The following LRRTM4 variants were observed in gnomAD, a reference collection of about 807,000 sequenced individuals.
LRRTM4 encodes the protein leucine-rich repeat transmembrane neuronal protein 4.
A neutral mutation model predicts 47.6 loss-of-function variants in LRRTM4; 25 were observed. That is an observed-to-expected ratio of 0.53 (90% CI 0.38 to 0.73). LRRTM4 has a LOEUF of 0.73. Ranked by LOEUF, LRRTM4 falls within the 30% of genes least tolerant of loss-of-function variation. The probability of loss-of-function intolerance (pLI) is 0.00; values close to 1 mark genes in which losing one functional copy is unlikely to be tolerated. For synonymous variants in LRRTM4, 311 were observed against 269.5 expected (o/e 1.15, Z -1.51); for missense variants, 638 against 713.4 (o/e 0.89, Z 1.20).
At chr2:77,254,751 C>A (rs562882050) in intron 3 of LRRTM4, among the ~76,000 whole-genome samples, 42 of 151,534 alleles carry the variant, frequency 2.8e-4, no homozygotes, top group Admixed American at 1.3e-3. Context: ...GTAAGTCATG[C>A]ATAGAGAAAA....
At chr2:77,352,718 A>C (rs973145610) in intron 3 of LRRTM4, among the ~76,000 whole-genome samples, 1 of 152,182 alleles carries the variant, frequency 6.6e-6, no homozygotes, top group Non-Finnish European at 1.5e-5. Context: ...CCTGGCTTGC[A>C]AATTCCAGAG....
At chr2:77,156,378 A>G (rs1480513580) in intron 3 of LRRTM4, among the ~76,000 whole-genome samples, 1 of 151,922 alleles carries the variant, frequency 6.6e-6, no homozygotes, top group Non-Finnish European at 1.5e-5. Flanking sequence ...CTAGAAATAA[A>G]ATGAAATATG....
chr2:77,117,983 A>G (rs1479753049), intron 3 of LRRTM4, among the ~76,000 whole-genome samples: 1 of 152,002 alleles, frequency 6.6e-6, no homozygotes. Context: ...GCAAATTACT[A>G]TCAAAATATA....
intron 3 of LRRTM4, among the ~76,000 whole-genome samples, chr2:77,044,412 A>G (rs950837301): frequency 6.6e-6 from 1 of 151,818 alleles, no homozygotes; most frequent in African/African-American, 2.4e-5. Flanking sequence ...CAAAAATGCT[A>G]ACTTCTATCC....
At chr2:76,851,359 A>G (rs560220191) in intron 3 of LRRTM4, among the ~76,000 whole-genome samples, 1 of 152,298 alleles carries the variant, frequency 6.6e-6, no homozygotes, top group African/African-American at 2.4e-5. Context: ...TTGAATCTGT[A>G]GCTAATGTAC....
chr2:76,785,038 A>G (rs1006046688), intron 3 of LRRTM4, among the ~76,000 whole-genome samples: 1 of 152,102 alleles, frequency 6.6e-6, no homozygotes, highest in Non-Finnish European at 1.5e-5. Flanking sequence ...TCACTCTTAT[A>G]ATATGACTGT....
intron 3 of LRRTM4, among the ~76,000 whole-genome samples, chr2:76,930,755 C>T (rs888462992): frequency 6.6e-6 from 1 of 152,044 alleles, no homozygotes; most frequent in African/African-American, 2.4e-5. Flanking sequence ...TCCTTCCTGA[C>T]CTTAACCTCC....
intron 3 of LRRTM4, among the ~76,000 whole-genome samples, chr2:77,210,684 T>G (rs1268022167): frequency 6.6e-6 from 1 of 152,152 alleles, no homozygotes; most frequent in Non-Finnish European, 1.5e-5. Flanking sequence ...TGTGTGCCAT[T>G]TTTCCCACTG....
intron 3 of LRRTM4, among the ~76,000 whole-genome samples, chr2:77,455,646 T>C (rs912063787): frequency 2.0e-5 from 3 of 152,052 alleles, no homozygotes; most frequent in African/African-American, 7.2e-5. Flanking sequence ...TCTATGCTAC[T>C]GGTCACTCTC....
intron 3 of LRRTM4, among the ~76,000 whole-genome samples, chr2:77,365,944 T>TTA (rs1219778488): frequency 3.4e-5 from 5 of 148,752 alleles, no homozygotes; most frequent in African/African-American, 7.3e-5. Flanking sequence ...TTTTCCTACA[T>TTA]TATATATATA....
intron 3 of LRRTM4, among the ~76,000 whole-genome samples, chr2:77,222,779 G>C (rs955021181): frequency 6.6e-6 from 1 of 151,974 alleles, no homozygotes; most frequent in East Asian, 1.9e-4. Flanking sequence ...ACCAGAGGTA[G>C]AAGGAGGAGC....
At chr2:76,786,772 A>C (rs555542116) in intron 3 of LRRTM4, among the ~76,000 whole-genome samples, 1 of 152,148 alleles carries the variant, frequency 6.6e-6, no homozygotes, top group East Asian at 1.9e-4. Flanking sequence ...AAAATGCATC[A>C]TTTTCTTGGT....
chr2:77,494,209 G>C (rs1678274419), intron 3 of LRRTM4, among the ~76,000 whole-genome samples: 1 of 152,046 alleles, frequency 6.6e-6, no homozygotes, highest in South Asian at 2.1e-4. Context: ...CAGAAGATAT[G>C]CCAAGTTTTT....
At chr2:77,129,271 AACC>A (rs1396013897) in intron 3 of LRRTM4, among the ~76,000 whole-genome samples, 3 of 152,186 alleles carry the variant, frequency 2.0e-5, no homozygotes, top group Non-Finnish European at 4.4e-5. Context: ...GACTATTAGC[AACC>A]CAGAGTGGTA....
intron 3 of LRRTM4, among the ~76,000 whole-genome samples, chr2:76,984,394 A>T (rs1188983521): frequency 6.6e-6 from 1 of 152,042 alleles, no homozygotes; most frequent in Non-Finnish European, 1.5e-5. Context: ...TATGTCAAAG[A>T]GAATGAACAA....
chr2:77,142,150 G>A (rs997139338), intron 3 of LRRTM4, among the ~76,000 whole-genome samples: 1 of 152,136 alleles, frequency 6.6e-6, no homozygotes, highest in Non-Finnish European at 1.5e-5. Context: ...CTGGAAAATG[G>A]TTTCTAAAAG....
chr2:77,209,638 A>G (rs1248743782), intron 3 of LRRTM4, among the ~76,000 whole-genome samples: 1 of 152,168 alleles, frequency 6.6e-6, no homozygotes, highest in East Asian at 1.9e-4. Flanking sequence ...ATACCTGCAT[A>G]TGATTTATTT....
intron 3 of LRRTM4, among the ~76,000 whole-genome samples, chr2:76,909,778 A>C (rs1377474665): frequency 6.6e-6 from 1 of 152,336 alleles, no homozygotes; most frequent in South Asian, 2.1e-4. Context: ...GAGAAATGCA[A>C]ATCAAAACCA....
chr2:77,234,716 G>T (rs913957268), intron 3 of LRRTM4, among the ~76,000 whole-genome samples: 2 of 152,074 alleles, frequency 1.3e-5, no homozygotes, highest in Non-Finnish European at 1.5e-5. Flanking sequence ...AAGAATCTCT[G>T]GTGGATGGGA....
Sources: allele counts gnomAD v4.1 joint callset (sites outside exome capture counted in the v4.1 genomes callset), GRCh38; gene constraint gnomAD v4.1.1; transcripts MANE v1.5; gene names NCBI Gene and HGNC (gene_info 2026-07-23, HGNC 2026-07-21).